Variants in CNOT1 observed in about 807,000 individuals in gnomAD.
CNOT1 encodes the protein CCR4-associated factor 1.
CNOT1 carries 15 observed loss-of-function variants against 273.8 expected under a neutral mutation model. That is an observed-to-expected ratio of 0.05 (90% CI 0.04 to 0.08). The LOEUF is 0.08. Among genes scored for constraint, CNOT1 ranks in the 10% least tolerant of loss-of-function variants. The pLI, the probability that CNOT1 is intolerant of heterozygous loss-of-function variation, is 1.00. For synonymous variants in CNOT1, 1,022 were observed against 1,005.5 expected (o/e 1.02, Z -0.31); for missense variants, 1,644 against 2,912.2 (o/e 0.56, Z 10.02).
At chr16:58,629,117 A>C (rs2043709667) in intron 1 of CNOT1, among the ~76,000 whole-genome samples, 1 of 152,248 alleles carries the variant, frequency 6.6e-6, no homozygotes, top group African/African-American at 2.4e-5. Context: ...AGTAATAAGG[A>C]AGTGCTTGCT....
chr16:58,521,167 ATTACT>A lies in CNOT1; in HGVS notation c.7052+11_7052+15del. On this transcript the variant is annotated intron_variant, in intron 48 of 48. Transcript: ENST00000317147. ...CAGTCTCATTCCTAGACAATTAAAA[ATTACT>A]TTGAACTCACTTTTCGATTTCTGGG... The A allele has an allele frequency of 6.2e-7, 1 of 1,612,974 alleles. No individual in the cohort carries two copies. Among genetic ancestry groups the A allele is most frequent in the Non-Finnish European group, 8.5e-7 (1 of 1,179,718 alleles).
At chr16:58,545,256 C>T in intron 30 of CNOT1, 105 bp downstream of exon 30, 1 of 1,528,482 alleles carries the variant, frequency 6.5e-7, no homozygotes. Context: ...AACTCTACAA[C>T]CTAGGAATCC....
chr16:58,540,152 G>A, intron 34 of CNOT1, 193 bp from the exon 35 acceptor site: 2 of 510,644 alleles, frequency 3.9e-6, no homozygotes, highest in East Asian at 3.1e-5. Flanking sequence ...CACAGTACAA[G>A]GCAGGCATAA....
At chr16:58,627,359 T>C (rs1476390877) in intron 1 of CNOT1, among the ~76,000 whole-genome samples, 3 of 130,524 alleles carry the variant, frequency 2.3e-5, no homozygotes, top group African/African-American at 9.0e-5. Context: ...ACCGAGATTG[T>C]GTGCTGCTGC....
chr16:58,627,453 C>A (rs1385378417), intron 1 of CNOT1, among the ~76,000 whole-genome samples: 3 of 144,762 alleles, frequency 2.1e-5, no homozygotes, highest in Non-Finnish European at 3.0e-5. Context: ...AGAATCTATC[C>A]TAAAACATAC....
At chr16:58,568,110 C>T (rs1229828081) in intron 16 of CNOT1, among the ~76,000 whole-genome samples, 5 of 152,152 alleles carry the variant, frequency 3.3e-5, no homozygotes, top group Admixed American at 6.5e-5. Context: ...CGGTGGCTCA[C>T]GCCTGTAATC....
chr16:58,588,990 C>T, intron 2 of CNOT1, 84 bp from the exon 3 acceptor site: 4 of 1,463,144 alleles, frequency 2.7e-6, no homozygotes, highest in East Asian at 2.5e-5. Flanking sequence ...AAATCAACCT[C>T]CAAGGCAAAA....
intron 43 of CNOT1, 62 bp downstream of exon 43, chr16:58,530,184 C>T: frequency 5.9e-6 from 8 of 1,350,490 alleles, no homozygotes; most frequent in Non-Finnish European, 7.2e-6. Flanking sequence ...GCCTCAGATT[C>T]CTAAAGTGTA....
At chr16:58,588,482 T>C (rs1450868736) in intron 3 of CNOT1, among the ~76,000 whole-genome samples, 7 of 152,066 alleles carry the variant, frequency 4.6e-5, no homozygotes, top group African/African-American at 1.7e-4. Context: ...AGATGGGGAA[T>C]AAAGCTAGAG....
intron 16 of CNOT1, among the ~76,000 whole-genome samples, chr16:58,569,835 G>T (rs1337754957): frequency 6.6e-6 from 1 of 152,032 alleles, no homozygotes; most frequent in Non-Finnish European, 1.5e-5. Context: ...TAGAAATAAT[G>T]ACTGAAAACC....
At chr16:58,529,093 C>T (rs1427965969) in intron 43 of CNOT1, among the ~76,000 whole-genome samples, 1 of 151,770 alleles carries the variant, frequency 6.6e-6, no homozygotes, top group African/African-American at 2.4e-5. Context: ...ACAGAGAAAA[C>T]ACAAAAATTA....
chr16:58,585,098 T>C (rs2041792316), intron 8 of CNOT1, among the ~76,000 whole-genome samples: 1 of 152,168 alleles, frequency 6.6e-6, no homozygotes, highest in Non-Finnish European at 1.5e-5. Context: ...TTGTGGCAAC[T>C]AGCCTGGAAA....
At chr16:58,596,887 C>CAAAAAAAAAAAAA (rs58567423) in intron 2 of CNOT1, among the ~76,000 whole-genome samples, 4 of 69,986 alleles carry the variant, frequency 5.7e-5, no homozygotes, top group Admixed American at 2.1e-4. Flanking sequence ...GACTCCGTCT[C>CAAAAAAAAAAAAA]AAAAAAAAAA....
Position 58,549,064 on chromosome 16 carries a change from G to A in CNOT1, c.3522+655C>T, listed in dbSNP as rs527617772. ...AGAACTCTGGGAGGCCGAGGAGGGT[G>A]GATCACCTAAGGTCAGGAGTTCGGG... On this transcript the variant is annotated intron_variant, in intron 25 of 48. Transcript: ENST00000317147. Among the ~76,000 whole-genome samples the A allele has an allele frequency of 5.3e-5, 8 of 152,244 alleles. No individual in the cohort carries two copies. The East Asian group carries it at 1.5e-3, about 29-fold the overall frequency.
chr16:58,592,378 A>G (rs562575023), intron 2 of CNOT1, among the ~76,000 whole-genome samples: 5 of 152,340 alleles, frequency 3.3e-5, no homozygotes, highest in African/African-American at 1.2e-4. Context: ...GGTATTAAAA[A>G]TACTGAGTGG....
At chr16:58,609,309 T>G (rs1486646636) in intron 1 of CNOT1, among the ~76,000 whole-genome samples, 2 of 151,606 alleles carry the variant, frequency 1.3e-5, no homozygotes, top group Non-Finnish European at 2.9e-5. Context: ...GAGGCGGAGG[T>G]TGCAGTGAGC....
In CNOT1 at chr16:58,587,245, C is replaced by G; in HGVS notation, c.389G>C (p.Gly130Ala). 1 of 1,613,584 alleles carries G rather than the reference C, an allele frequency of 6.2e-7. No individual in the cohort carries two copies. The highest frequency in any genetic ancestry group is 1.1e-5 in the South Asian group (1 of 91,008). ...KLSKVQEVIFGLALLNSSSSD... is the reference protein window; with the variant it reads ...KLSKVQEVIFALALLNSSSSD... ...GCTGGAAGAATTCAACAGGGCAAGG[C>G]CAAAAATTACCTGAAACAAGAAGGA... The change falls in exon 6 of 49, where the codon GGC becomes GCC. Residue 130 changes from glycine to alanine, a missense_variant. Physicochemically the swap from Gly to Ala is moderately conservative, Grantham distance 60. This residue lies in a region of CNOT1 where 706 missense variants were observed against 1,021.2 expected (regional missense o/e 0.69). Transcript: ENST00000317147.
chr16:58,524,723 G>A (rs1418923262), intron 46 of CNOT1, among the ~76,000 whole-genome samples: 6 of 152,072 alleles, frequency 3.9e-5, no homozygotes, highest in Admixed American at 3.9e-4. Context: ...AGCTCAAGCA[G>A]AAAAGCTGCA....
intron 23 of CNOT1, 147 bp downstream of exon 23, chr16:58,551,442 A>G: frequency 8.4e-7 from 1 of 1,185,794 alleles, no homozygotes; most frequent in Admixed American, 2.4e-5. Flanking sequence ...GGGAAATATA[A>G]GGATGGGAGA....
Sources: gnomAD v4.1 joint callset for allele counts (sites outside exome capture counted in the v4.1 genomes callset) on GRCh38, gnomAD v4.1.1 for gene constraint, gnomAD v4.1.1 regional missense constraint, MANE v1.5 for transcripts, NCBI Gene and HGNC (gene_info 2026-07-23, HGNC 2026-07-21) for gene names.